Variants in ENPP6 observed in about 807,000 individuals in gnomAD.
ENPP6 encodes the protein ectonucleotide pyrophosphatase/phosphodiesterase 6.
In ENPP6, 32 loss-of-function variants were observed where a neutral mutation model predicts 42.0. The ratio of observed to expected loss-of-function variants is 0.76; its 90% CI spans 0.58 to 1.02. The LOEUF is 1.02. Among genes scored for constraint, ENPP6 ranks in the 50% least tolerant of loss-of-function variants. The pLI is 0.00. For synonymous variants in ENPP6, 213 were observed against 216.0 expected, an observed-to-expected ratio of 0.99 and a Z score of 0.12; for missense variants, 552 against 566.8, an observed-to-expected ratio of 0.97 and a Z score of 0.27.
At chr4:184,169,626 C>G (rs1392719655) in intron 1 of ENPP6, among the ~76,000 whole-genome samples, 3 of 152,212 alleles carry the variant, frequency 2.0e-5, no homozygotes, top group Admixed American at 2.0e-4. Flanking sequence ...TGGGCAGGGT[C>G]CTGGCTGTGG....
intron 7 of ENPP6, among the ~76,000 whole-genome samples, chr4:184,095,564 G>A (rs572301333): frequency 6.6e-6 from 1 of 151,824 alleles, no homozygotes; most frequent in African/African-American, 2.4e-5. Flanking sequence ...GGTGGCTAAG[G>A]CAAGAGAATT....
intron 6 of ENPP6, among the ~76,000 whole-genome samples, chr4:184,097,962 G>A (rs1034649519): frequency 2.6e-5 from 4 of 152,188 alleles, no homozygotes; most frequent in African/African-American, 9.6e-5. Flanking sequence ...ACTCACGTCT[G>A]CGCGATGAAG....
intron 1 of ENPP6, among the ~76,000 whole-genome samples, chr4:184,193,052 C>T (rs1321622288): frequency 6.6e-6 from 1 of 152,124 alleles, no homozygotes; most frequent in East Asian, 1.9e-4. Context: ...TAAAATGGTG[C>T]AGCCATTTTG....
chr4:184,095,925 T>C (rs1735893874), intron 7 of ENPP6, among the ~76,000 whole-genome samples: 1 of 152,156 alleles, frequency 6.6e-6, no homozygotes, highest in Non-Finnish European at 1.5e-5. Flanking sequence ...TCTGCATATC[T>C]GACCTGGGGC....
Position 184,121,286 on chromosome 4 carries a change from T to C in ENPP6, c.533+2875A>G, listed in dbSNP as rs193176839. Among the ~76,000 whole-genome samples the C allele has an allele frequency of 5.8e-4, 89 of 152,344 alleles. 1 individual carries two copies. Among genetic ancestry groups the C allele is most frequent in the Admixed American group, 9.8e-4 (15 of 15,304 alleles). On this transcript the variant is annotated intron_variant, in intron 3 of 7. Transcript: ENST00000296741. ...CGTTATGAGCACTGGAAGGAATGCC[T>C]GAATCAAACTTGGGCGAGGGATTCT... is the stretch of plus-strand genomic sequence containing the variant.
At position 184,157,774 on chromosome 4, in the gene ENPP6, ATTTTT is replaced by A. The variant is rs34358499; in HGVS notation, c.242-4046_242-4042del. 7.6e-3 allele frequency among the ~76,000 whole-genome samples: 935 copies of A among 122,356 alleles called. 20 individuals carry two copies. The highest frequency in any genetic ancestry group is 0.027 in the African/African-American group (862 of 32,000). The allele number at this position is 122,356 out of a possible 152,430, so 80.3% of individuals were successfully genotyped here. A position where few individuals can be genotyped will look rare whatever the true frequency, so the allele number is the denominator to read the frequency against. On this transcript the variant is annotated intron_variant, in intron 1 of 7. Coordinates refer to ENST00000296741, the MANE Select transcript of ENPP6 (RefSeq NM_153343.4). ...AGGCATGCGCCACCAAACTTGGCTA[ATTTTT>A]TTTTTTTTTTTTGTATTTTTTGTAG...
intron 2 of ENPP6, among the ~76,000 whole-genome samples, chr4:184,149,587 C>T (rs1736988683): frequency 6.6e-6 from 1 of 152,202 alleles, no homozygotes; most frequent in African/African-American, 2.4e-5. Context: ...CCCAGACCCA[C>T]ACCCAACACC....
intron 2 of ENPP6, among the ~76,000 whole-genome samples, chr4:184,150,498 C>T (rs1737006898): frequency 6.6e-6 from 1 of 152,084 alleles, no homozygotes; most frequent in South Asian, 2.1e-4. Flanking sequence ...AGAAATGCCC[C>T]TGCGCCTCAC....
chr4:184,104,058 C>T lies in ENPP6; in HGVS notation c.994-6690G>A, dbSNP rs540357888. Among the ~76,000 whole-genome samples the T allele has an allele frequency of 1.5e-4, 23 of 151,604 alleles. No individual in the cohort carries two copies. The East Asian group carries it at 4.3e-3, about 28-fold the overall frequency. On this transcript the variant is annotated intron_variant, in intron 6 of 7. Coordinates refer to ENST00000296741, the MANE Select transcript of ENPP6 (RefSeq NM_153343.4). The stretch of plus-strand genomic sequence containing the variant: ...TCACGTTGATTGCAGTGCGCCCAGG[C>T]TGAGGAGGGTATGCCTGTGCTCCCA...
At chr4:184,199,340 G>C (rs376177444) in intron 1 of ENPP6, among the ~76,000 whole-genome samples, 1 of 152,196 alleles carries the variant, frequency 6.6e-6, no homozygotes, top group East Asian at 1.9e-4. Flanking sequence ...AAGTGGGCTG[G>C]GGGGCAGGTT....
At chr4:184,092,665 C>G (rs1490013280) in intron 7 of ENPP6, among the ~76,000 whole-genome samples, 1 of 152,152 alleles carries the variant, frequency 6.6e-6, no homozygotes, top group Non-Finnish European at 1.5e-5. Context: ...CTTTTAGGCC[C>G]CAAACCAGAG....
chr4:184,173,097 G>A (rs899437370), intron 1 of ENPP6, among the ~76,000 whole-genome samples: 2 of 152,008 alleles, frequency 1.3e-5, no homozygotes, highest in African/African-American at 4.8e-5. Flanking sequence ...GTAGAGACGG[G>A]GTTCCACCAT....
intron 1 of ENPP6, among the ~76,000 whole-genome samples, chr4:184,186,107 T>C (rs1248722277): frequency 6.6e-6 from 1 of 152,226 alleles, no homozygotes; most frequent in Non-Finnish European, 1.5e-5. Flanking sequence ...CCTTAACAAT[T>C]TGAGAAACTT....
chr4:184,193,333 C>T lies in ENPP6; in HGVS notation c.241+24246G>A, dbSNP rs368290400. 6.6e-5 allele frequency among the ~76,000 whole-genome samples: 10 copies of T among 152,284 alleles called. No individual in the cohort carries two copies. In the South Asian group the frequency reaches 1.0e-3, roughly 16 times the overall value. ...GAGAAACATACTAATGCAACATGAA[C>T]GAACCTCAGAATCATTAGAGTTACT... On this transcript the variant is annotated intron_variant, in intron 1 of 7. Transcript: ENST00000296741.
intron 1 of ENPP6, among the ~76,000 whole-genome samples, chr4:184,198,007 G>A (rs908705860): frequency 4.6e-5 from 7 of 152,206 alleles, no homozygotes; most frequent in East Asian, 1.9e-4. Flanking sequence ...GGGCGAGAGA[G>A]GCATCCAGTA....
At chr4:184,099,417 G>A (rs1433503587) in intron 6 of ENPP6, among the ~76,000 whole-genome samples, 1 of 152,184 alleles carries the variant, frequency 6.6e-6, no homozygotes, top group East Asian at 1.9e-4. Flanking sequence ...GCTGGTCCTG[G>A]CCACCTTGCA....
At chr4:184,186,773 C>G (rs2111104574) in intron 1 of ENPP6, among the ~76,000 whole-genome samples, 1 of 152,274 alleles carries the variant, frequency 6.6e-6, no homozygotes, top group Admixed American at 6.5e-5. Context: ...CCCGCCGTGG[C>G]CTGGGCTGAA....
Position 184,178,845 on chromosome 4 carries a change from C to G in ENPP6, c.242-25112G>C, listed in dbSNP as rs1271336451. Among the ~76,000 whole-genome samples the G allele has an allele frequency of 2.6e-5, 4 of 152,174 alleles. No individual in the cohort carries two copies. The East Asian group carries it at 7.7e-4, about 29-fold the overall frequency. Reference sequence around the variant, plus strand: ...AAATGCTGAGGGAATTCATCACCACCAGGTCTGTGTTGCAAGAGCTCCTGA... The same window carrying G: ...AAATGCTGAGGGAATTCATCACCACGAGGTCTGTGTTGCAAGAGCTCCTGA... On this transcript the variant is annotated intron_variant, in intron 1 of 7. Transcript: ENST00000296741.
intron 1 of ENPP6, among the ~76,000 whole-genome samples, chr4:184,162,207 CAA>C (rs1737272823): frequency 1.3e-5 from 2 of 152,114 alleles, no homozygotes; most frequent in South Asian, 4.1e-4. Context: ...CTCCAAACTT[CAA>C]AGTTTTCTCA....
Sources: gnomAD v4.1 joint callset for allele counts (sites outside exome capture counted in the v4.1 genomes callset) on GRCh38, gnomAD v4.1.1 for gene constraint, MANE v1.5 for transcripts, NCBI Gene and HGNC (gene_info 2026-07-23, HGNC 2026-07-21) for gene names.